Variants in ANKRD13B observed in about 807,000 individuals in gnomAD.
ANKRD13B encodes ankyrin repeat domain-containing protein 13B.
In ANKRD13B, 33 loss-of-function variants were observed where a neutral mutation model predicts 74.4. That is an observed-to-expected ratio of 0.44 (90% CI 0.34 to 0.59). The LOEUF (loss-of-function observed/expected upper bound fraction) is 0.59. ANKRD13B is among the 20% of genes least tolerant of loss of function. ANKRD13B has a pLI of 0.02. For missense variants in ANKRD13B, 676 were observed against 877.9 expected (o/e 0.77, Z 2.91); for synonymous variants, 341 against 362.9 (o/e 0.94, Z 0.68).
chr17:29,593,490 G>T lies in ANKRD13B; in HGVS notation c.-132G>T, dbSNP rs2033838353. 4.6e-6 allele frequency: 1 copy of T among 219,676 alleles called. No individual in the cohort carries two copies. The highest frequency in any genetic ancestry group is 7.5e-6 in the Non-Finnish European group (1 of 133,418). The allele number at this position is 219,676 out of a possible 1,614,324, so 13.6% of individuals were successfully genotyped here. Reference sequence around the variant, plus strand: ...GGGCGCGCCGCCCCCGCCCGCCGCCGCTCGCACATGCCCGAGCCGCAGCCC... The same window carrying T: ...GGGCGCGCCGCCCCCGCCCGCCGCCTCTCGCACATGCCCGAGCCGCAGCCC... On this transcript the variant is annotated 5_prime_UTR_variant, in exon 1 of 15. Transcript: ENST00000394859.
At chr17:29,607,553 T>G (rs965294936) in intron 1 of ANKRD13B, among the ~76,000 whole-genome samples, 189 bp from the exon 2 acceptor site, 7 of 152,216 alleles carry the variant, frequency 4.6e-5, no homozygotes, top group African/African-American at 1.7e-4. Context: ...GTGTCTGTCT[T>G]TCCGTTGCTC....
At chr17:29,604,661 C>T (rs1025982472) in intron 1 of ANKRD13B, among the ~76,000 whole-genome samples, 3 of 151,798 alleles carry the variant, frequency 2.0e-5, no homozygotes, top group Non-Finnish European at 1.5e-5. Flanking sequence ...TGTGCCTCAG[C>T]CTCCTGAGTA....
intron 7 of ANKRD13B, among the ~76,000 whole-genome samples, chr17:29,610,190 TAA>T (rs770944356): frequency 3.4e-4 from 32 of 95,464 alleles, no homozygotes; most frequent in South Asian, 1.1e-3. Flanking sequence ...AGACTCCATC[TAA>T]AAAAAAAAAA....
chr17:29,613,742 G>T lies in ANKRD13B; in HGVS notation c.*160G>T. ...CAGGCACGGTTCGGGGAGGGATTCGGCATGGCCGCGGGGTACCTTCCCAGG... is the reference window on the plus strand; with the variant it reads ...CAGGCACGGTTCGGGGAGGGATTCGTCATGGCCGCGGGGTACCTTCCCAGG... On this transcript the variant is annotated 3_prime_UTR_variant, in exon 15 of 15. Transcript: ENST00000394859. 1 of 1,205,254 alleles carries T rather than the reference G, an allele frequency of 8.3e-7. No individual in the cohort carries two copies. The highest frequency in any genetic ancestry group is 1.6e-5 in the African/African-American group (1 of 61,878). 74.7% of individuals were successfully genotyped at this position (1,205,254 alleles called of 1,614,324 possible).
Position 29,609,134 on chromosome 17 carries a change from A to G in ANKRD13B, c.614A>G (p.Tyr205Cys). 6.2e-7 allele frequency: 1 copy of G among 1,612,282 alleles called. No individual in the cohort carries two copies. The highest frequency in any genetic ancestry group is 2.2e-5 in the East Asian group (1 of 44,890). ...MEIDHDRRVV[Y>C]TETLALAGQD... ...ATTGACCACGACCGCCGGGTGGTGT[A>G]CACAGAGACTCTGGCACTGGCTGGG... The change falls in exon 6 of 15, where the codon TAC becomes TGC. Residue 205 changes from tyrosine to cysteine, a missense_variant. By Grantham distance (194) the Tyr-to-Cys change is radical (BLOSUM62 -2). Coordinates refer to ENST00000394859, the MANE Select transcript of ANKRD13B (RefSeq NM_152345.5). This position sits in a 1 kb window ranked among gnomAD's most constrained non-coding sequence, Gnocchi z 4.0.
Position 29,608,684 on chromosome 17 carries a change from A to T in ANKRD13B, c.422-167A>T. On this transcript the variant is annotated intron_variant, in intron 4 of 14. Transcript: ENST00000394859. The surrounding 1 kb of genome is among the most constrained non-coding windows in gnomAD (Gnocchi z 6.4). ...CGACCTCAGGTTGCTCTTCTGTGTG[A>T]GTATGGTCTACACTGGCCAGGGAGG... The T allele has an allele frequency of 1.1e-6, 1 of 948,590 alleles. No individual in the cohort carries two copies. The highest frequency in any genetic ancestry group is 1.5e-6 in the Non-Finnish European group (1 of 652,452). The allele number at this position is 948,590 out of a possible 1,614,324, so 58.8% of individuals were successfully genotyped here. A position where few individuals can be genotyped will look rare whatever the true frequency, so the allele number is the denominator to read the frequency against.
Position 29,607,723 on chromosome 17 carries a change from A to G in ANKRD13B, c.115-19A>G. 1 of 1,584,848 alleles carries G rather than the reference A, an allele frequency of 6.3e-7. No individual in the cohort carries two copies. Among genetic ancestry groups the G allele is most frequent in the Non-Finnish European group, 8.5e-7 (1 of 1,172,524 alleles). ...CGACGTGACTGGGGCTTTATCTTCC[A>G]CTCCTCCTCCTCCTCCAGGTGGACA... On this transcript the variant is annotated intron_variant, in intron 1 of 14. Coordinates refer to ENST00000394859, the MANE Select transcript of ANKRD13B (RefSeq NM_152345.5).
intron 1 of ANKRD13B, among the ~76,000 whole-genome samples, chr17:29,604,985 C>T (rs2034317706): frequency 4.6e-5 from 7 of 152,176 alleles, no homozygotes; most frequent in Admixed American, 4.6e-4. Flanking sequence ...TTGATTATCT[C>T]CTTGCTTTTG....
intron 1 of ANKRD13B, 24 bp downstream of exon 1, chr17:29,593,759 CG>C: frequency 3.0e-6 from 4 of 1,347,266 alleles, no homozygotes; most frequent in Non-Finnish European, 3.9e-6. Context: ...CGGGGCGCCG[CG>C]GGGACCCCGC....
intron 1 of ANKRD13B, among the ~76,000 whole-genome samples, chr17:29,604,796 G>T (rs1028775353): frequency 6.6e-6 from 1 of 152,144 alleles, no homozygotes; most frequent in Non-Finnish European, 1.5e-5. Flanking sequence ...GCCCGCCTCC[G>T]CCTCCCAAAG....
Position 29,611,742 on chromosome 17 carries a change from C to A in ANKRD13B, c.969+99C>A. The stretch of plus-strand genomic sequence containing the variant: ...GCTTAGCATGGCCTATGTGGACCTC[C>A]TTTCCACAATGCCCAAGGCCATGTC... On this transcript the variant is annotated intron_variant, in intron 9 of 14. Coordinates refer to ENST00000394859, the MANE Select transcript of ANKRD13B (RefSeq NM_152345.5). The surrounding 1 kb of genome is among the most constrained non-coding windows in gnomAD (Gnocchi z 4.3). 1.3e-6 allele frequency: 2 copies of A among 1,574,228 alleles called. No individual in the cohort carries two copies. The highest frequency in any genetic ancestry group is 2.7e-5 in the African/African-American group (2 of 74,236).
chr17:29,600,331 G>T (rs937939098), intron 1 of ANKRD13B, among the ~76,000 whole-genome samples: 1 of 152,160 alleles, frequency 6.6e-6, no homozygotes, highest in Non-Finnish European at 1.5e-5. Context: ...TGGCAGGCTG[G>T]CCTGTTCATT....
chr17:29,609,064 T>C lies in ANKRD13B; in HGVS notation c.566-22T>C. On this transcript the variant is annotated intron_variant, in intron 5 of 14. Coordinates refer to ENST00000394859, the MANE Select transcript of ANKRD13B (RefSeq NM_152345.5). The surrounding 1 kb of genome is among the most constrained non-coding windows in gnomAD (Gnocchi z 4.0). ...AGCCCCAGGCCACCCCTGATCCCCCTGTGCTGTTCCGTGTCTGGCAGACAC... is the reference window on the plus strand; with the variant it reads ...AGCCCCAGGCCACCCCTGATCCCCCCGTGCTGTTCCGTGTCTGGCAGACAC... 2 of 1,611,720 alleles carry C rather than the reference T, an allele frequency of 1.2e-6. No individual in the cohort carries two copies. The highest frequency in any genetic ancestry group is 1.3e-5 in the African/African-American group (1 of 75,056).
At chr17:29,597,070 C>G (rs1239333098) in intron 1 of ANKRD13B, among the ~76,000 whole-genome samples, 1 of 152,190 alleles carries the variant, frequency 6.6e-6, no homozygotes, top group Non-Finnish European at 1.5e-5. Flanking sequence ...CTACACCAGA[C>G]TCCTGCCTTC....
At chr17:29,606,213 T>G (rs1435730950) in intron 1 of ANKRD13B, among the ~76,000 whole-genome samples, 1 of 149,884 alleles carries the variant, frequency 6.7e-6, no homozygotes, top group African/African-American at 2.4e-5. Context: ...GCCTGGCCTG[T>G]CAGTTCACTG....
In ANKRD13B at chr17:29,612,327, G is replaced by A; in HGVS notation, c.1258+54G>A. 1.2e-6 allele frequency: 2 copies of A among 1,612,250 alleles called. No individual in the cohort carries two copies. The highest frequency in any genetic ancestry group is 1.1e-5 in the South Asian group (1 of 91,032). On this transcript the variant is annotated intron_variant, in intron 11 of 14. Transcript: ENST00000394859. This position sits in a 1 kb window ranked among gnomAD's most constrained non-coding sequence, Gnocchi z 6.1. ...CCCGTGGCGGGCCGACCGGGGTTTA[G>A]ATGAGGTCGGGGTGGGGCTGAGGCT...
rs756484273 is a variant in ANKRD13B at position 29,610,659 on chromosome 17, T to G, written c.823-26T>G. 1.9e-6 allele frequency: 3 copies of G among 1,611,770 alleles called. No homozygotes were observed. In the East Asian group the frequency reaches 6.7e-5, roughly 36 times the overall value. On this transcript the variant is annotated intron_variant, in intron 7 of 14. Transcript: ENST00000394859. The stretch of plus-strand genomic sequence containing the variant: ...CACAGGGTAAGACCAGAACTGCTTA[T>G]GAGCCCTTTCTTCATCTGTCCCCAG...
At chr17:29,601,324 C>T (rs895258445) in intron 1 of ANKRD13B, among the ~76,000 whole-genome samples, 2 of 151,178 alleles carry the variant, frequency 1.3e-5, no homozygotes, top group Non-Finnish European at 2.9e-5. Flanking sequence ...CAGGTTCAAG[C>T]GATTCTTGTG....
intron 1 of ANKRD13B, among the ~76,000 whole-genome samples, chr17:29,606,328 G>A (rs996255566): frequency 6.6e-6 from 1 of 151,746 alleles, no homozygotes; most frequent in African/African-American, 2.4e-5. Flanking sequence ...GGAGGCCAAG[G>A]CAGGCGAATC....
Sources: allele counts gnomAD v4.1 joint callset (sites outside exome capture counted in the v4.1 genomes callset), GRCh38; gene constraint gnomAD v4.1.1; non-coding constraint Gnocchi (gnomAD v3.1); transcripts MANE v1.5; gene names NCBI Gene and HGNC (gene_info 2026-07-23, HGNC 2026-07-21).